The following WDFY1 variants were observed in gnomAD, a reference collection of about 807,000 sequenced individuals.
WDFY1 encodes the protein WD repeat and FYVE domain containing 1.
WDFY1 carries 32 observed loss-of-function variants against 56.4 expected under a neutral mutation model. That is an observed-to-expected ratio of 0.57 (90% CI 0.43 to 0.76). WDFY1 has a LOEUF of 0.76. Among genes scored for constraint, WDFY1 ranks in the 30% least tolerant of loss-of-function variants. The pLI is 0.00. For missense variants in WDFY1, 480 were observed against 545.7 expected, an observed-to-expected ratio of 0.88 and a Z score of 1.20; for synonymous variants, 192 against 197.3, an observed-to-expected ratio of 0.97 and a Z score of 0.23.
At chr2:223,910,447 T>TAAAAAAAAAA (rs1196716792) in intron 3 of WDFY1, among the ~76,000 whole-genome samples, 1 of 127,512 alleles carries the variant, frequency 7.8e-6, no homozygotes, top group African/African-American at 2.9e-5. Flanking sequence ...TCACCAAACT[T>TAAAAAAAAAA]AAAAAAAAAA....
intron 3 of WDFY1, among the ~76,000 whole-genome samples, chr2:223,907,113 T>C (rs979283406): frequency 2.0e-5 from 3 of 151,940 alleles, no homozygotes; most frequent in Non-Finnish European, 4.4e-5. Flanking sequence ...TAACTGGGAC[T>C]AAAGGTGCAT....
intron 1 of WDFY1, 116 bp downstream of exon 1, chr2:223,945,032 G>A: frequency 8.1e-7 from 1 of 1,228,746 alleles, no homozygotes; most frequent in South Asian, 1.6e-5. Context: ...AGTGGGGGTG[G>A]GGCCGTGCTG....
intron 3 of WDFY1, among the ~76,000 whole-genome samples, chr2:223,906,986 T>TTATAC (rs1173018386): frequency 8.4e-4 from 122 of 145,920 alleles, no homozygotes; most frequent in African/African-American, 3.0e-3. Flanking sequence ...TATTATTATA[T>TTATAC]TATTTTGAGA....
chr2:223,898,477 G>A (rs1487037124), intron 6 of WDFY1, among the ~76,000 whole-genome samples: 5 of 152,078 alleles, frequency 3.3e-5, no homozygotes, highest in Non-Finnish European at 7.4e-5. Flanking sequence ...TCGGCTCACT[G>A]CAACCTCTGC....
At chr2:223,903,450 G>A (rs1278748724) in intron 4 of WDFY1, among the ~76,000 whole-genome samples, 2 of 151,834 alleles carry the variant, frequency 1.3e-5, no homozygotes, top group Non-Finnish European at 2.9e-5. Flanking sequence ...CTGAACCCAG[G>A]AGGCAGAGGT....
At chr2:223,930,423 G>A (rs528567835) in intron 1 of WDFY1, among the ~76,000 whole-genome samples, 6 of 152,168 alleles carry the variant, frequency 3.9e-5, no homozygotes, top group Non-Finnish European at 8.8e-5. Context: ...TCCGCCTACC[G>A]GGTTCAGGCG....
At chr2:223,900,088 T>G (rs1693478131) in intron 5 of WDFY1, among the ~76,000 whole-genome samples, 1 of 152,182 alleles carries the variant, frequency 6.6e-6, no homozygotes, top group Non-Finnish European at 1.5e-5. Context: ...AACCAGAAAT[T>G]TATACACGAC....
At chr2:223,937,604 G>A (rs1689215478) in intron 1 of WDFY1, among the ~76,000 whole-genome samples, 1 of 152,138 alleles carries the variant, frequency 6.6e-6, no homozygotes, top group African/African-American at 2.4e-5. Flanking sequence ...TAAATAACTT[G>A]TCTAAGATCA....
rs935350859 is a variant in WDFY1 at position 223,875,603 on chromosome 2, T to C, written c.*3068A>G. 2.0e-5 allele frequency: 3 copies of C among 152,244 alleles called. No homozygotes were observed. The highest frequency in any genetic ancestry group is 4.8e-5 in the African/African-American group (2 of 41,474). The allele number at this position is 152,244 out of a possible 1,614,324, so 9.4% of individuals were successfully genotyped here. A position where few individuals can be genotyped will look rare whatever the true frequency, so the allele number is the denominator to read the frequency against. ...ATACAAATTTGTTGCACAATTAAAC[T>C]TCAACTTACTCAAAGAGTTATTGTA... On this transcript the variant is annotated 3_prime_UTR_variant, in exon 12 of 12. Transcript: ENST00000233055.
At chr2:223,899,147 A>G in intron 5 of WDFY1, 77 bp from the exon 6 acceptor site, 1 of 1,200,642 alleles carries the variant, frequency 8.3e-7, no homozygotes, top group Non-Finnish European at 1.2e-6. Flanking sequence ...AGCATTAGTC[A>G]AAGTTAGTTT....
intron 8 of WDFY1, among the ~76,000 whole-genome samples, chr2:223,889,477 G>A (rs1290321043): frequency 6.6e-6 from 1 of 152,130 alleles, no homozygotes; most frequent in African/African-American, 2.4e-5. Flanking sequence ...TTGAATCATG[G>A]GGGTGGGTTT....
intron 2 of WDFY1, among the ~76,000 whole-genome samples, chr2:223,915,661 A>G (rs1192310017): frequency 6.6e-6 from 1 of 152,222 alleles, no homozygotes; most frequent in Non-Finnish European, 1.5e-5. Flanking sequence ...AATTTTCCCC[A>G]ATGATGACAA....
In WDFY1 at chr2:223,875,493, A is replaced by G. The variant is rs748069263; in HGVS notation, c.*3178T>C. 2.0e-5 allele frequency: 3 copies of G among 152,186 alleles called. No homozygotes were observed. Among genetic ancestry groups the G allele is most frequent in the Non-Finnish European group, 4.4e-5 (3 of 68,036 alleles). 9.4% of individuals were successfully genotyped at this position (152,186 alleles called of 1,614,324 possible). On this transcript the variant is annotated 3_prime_UTR_variant, in exon 12 of 12. Transcript: ENST00000233055. The stretch of plus-strand genomic sequence containing the variant: ...TATCTTATAGAAACATAGCTAGTAC[A>G]AGAACAAAGTGTACTAATTAACATT...
At chr2:223,912,381 C>T (rs1419427714) in intron 2 of WDFY1, 55 bp from the exon 3 acceptor site, 2 of 1,350,122 alleles carry the variant, frequency 1.5e-6, no homozygotes, top group Non-Finnish European at 2.0e-6. Flanking sequence ...TTAAGTTGTT[C>T]TTCAAAGTGA....
At chr2:223,890,310 A>T (rs1305649051) in intron 8 of WDFY1, among the ~76,000 whole-genome samples, 2 of 152,188 alleles carry the variant, frequency 1.3e-5, no homozygotes, top group Non-Finnish European at 2.9e-5. Context: ...TGTCTCTACT[A>T]GAAATACAGA....
At chr2:223,918,226 A>G (rs1693823720) in intron 1 of WDFY1, among the ~76,000 whole-genome samples, 1 of 152,070 alleles carries the variant, frequency 6.6e-6, no homozygotes, top group African/African-American at 2.4e-5. Flanking sequence ...AGCATATTGT[A>G]TATGCACACC....
intron 1 of WDFY1, among the ~76,000 whole-genome samples, chr2:223,937,293 T>C (rs1443665015): frequency 6.6e-6 from 1 of 152,130 alleles, no homozygotes; most frequent in East Asian, 1.9e-4. Flanking sequence ...GCATACAAAG[T>C]AGAAACATAT....
At chr2:223,906,374 C>G (rs1021974505) in intron 3 of WDFY1, among the ~76,000 whole-genome samples, 1 of 152,178 alleles carries the variant, frequency 6.6e-6, no homozygotes, top group African/African-American at 2.4e-5. Context: ...AGACCCCTCA[C>G]TAACAGAGCT....
chr2:223,919,097 A>G (rs996854474), intron 1 of WDFY1, among the ~76,000 whole-genome samples: 1 of 152,214 alleles, frequency 6.6e-6, no homozygotes, highest in Non-Finnish European at 1.5e-5. Context: ...CATCTCCTGC[A>G]TCCCTAGGAC....
Sources: gnomAD v4.1 joint callset for allele counts (sites outside exome capture counted in the v4.1 genomes callset) on GRCh38, gnomAD v4.1.1 for gene constraint, MANE v1.5 for transcripts, NCBI Gene and HGNC (gene_info 2026-07-23, HGNC 2026-07-21) for gene names.